GRM4: variants seen among roughly 807,000 people sequenced by gnomAD.
GRM4 encodes metabotropic glutamate receptor 4.
GRM4 carries 28 observed loss-of-function variants against 81.7 expected under a neutral mutation model. The observed-to-expected ratio is 0.34, with a 90% CI of 0.25 to 0.47. GRM4 has a LOEUF of 0.47. GRM4 is among the 20% of genes least tolerant of loss of function. GRM4 has a pLI of 1.00. For synonymous variants in GRM4, 488 were observed against 528.8 expected (o/e 0.92, Z 1.06); for missense variants, 948 against 1,290.0 (o/e 0.73, Z 4.06).
intron 5 of GRM4, among the ~76,000 whole-genome samples, 174 bp downstream of exon 5, chr6:34,058,800 C>T (rs1410463861): frequency 6.7e-6 from 1 of 148,880 alleles, no homozygotes; most frequent in Non-Finnish European, 1.5e-5. Flanking sequence ...CTTTGTTGCA[C>T]GTGGCCTAAA....
chr6:34,129,107 C>A (rs545095987), intron 2 of GRM4, among the ~76,000 whole-genome samples: 4 of 151,944 alleles, frequency 2.6e-5, no homozygotes, highest in African/African-American at 4.8e-5. Context: ...CTCTGCCTCC[C>A]GGGCTCAAGT....
intron 2 of GRM4, among the ~76,000 whole-genome samples, chr6:34,129,388 TGGATCAG>T (rs373850224): frequency 2.0e-5 from 3 of 152,322 alleles, no homozygotes; most frequent in African/African-American, 4.8e-5. Context: ...AGGTAACTAG[TGGATCAG>T]GGATTCAAAC....
intron 2 of GRM4, among the ~76,000 whole-genome samples, chr6:34,126,735 T>C (rs1190691855): frequency 6.6e-6 from 1 of 152,162 alleles, no homozygotes; most frequent in African/African-American, 2.4e-5. Flanking sequence ...GCTGCAGACA[T>C]GGGGGCTGCA....
Position 34,044,419 on chromosome 6 carries a change from CACAT to C in GRM4, c.1169-3675_1169-3672del, listed in dbSNP as rs200776818. ...ACATACACATATATACACAGACACA[CACAT>C]ACACACAGACATACATACATACACA... On this transcript the variant is annotated intron_variant, in intron 6 of 10. Coordinates refer to ENST00000538487, the MANE Select transcript of GRM4 (RefSeq NM_000841.4). Among the ~76,000 whole-genome samples the C allele has an allele frequency of 4.3e-3, 646 of 151,268 alleles. 17 individuals carry two copies. In the East Asian group the frequency reaches 0.07, roughly 16 times the overall value.
chr6:34,152,784 A>T lies in GRM4; in HGVS notation c.312+2295T>A, dbSNP rs1241803124. On this transcript the variant is annotated intron_variant, in intron 1 of 8. Transcript: ENST00000374177. The surrounding 1 kb of genome is among the most constrained non-coding windows in gnomAD (Gnocchi z 4.1). ...CAAACTGAAATATTAATAGAATTCT[A>T]ACCAGCTGGAGTGGGGTATGAGGCC... Among the ~76,000 whole-genome samples, 9 of 152,200 alleles carry T rather than the reference A, an allele frequency of 5.9e-5. No homozygotes were observed. The highest frequency in any genetic ancestry group is 1.3e-4 in the Admixed American group (2 of 15,282).
rs2499698 is a variant in GRM4 at position 34,077,288 on chromosome 6, C to G, written c.736+14595G>C. On this transcript the variant is annotated intron_variant, in intron 3 of 10. Transcript: ENST00000538487. ...TTGCCCGAGGCTGACCAGCACATGC[C>G]GCTCTCACACATTCTGCCCAGGCCC... Among the ~76,000 whole-genome samples, 1,279 of 152,022 alleles carry G rather than the reference C, an allele frequency of 8.4e-3. 10 individuals are homozygous for G. Among genetic ancestry groups the G allele is most frequent in the South Asian group, 0.013 (64 of 4,822 alleles).
chr6:34,058,712 G>T (rs1873254), intron 5 of GRM4, among the ~76,000 whole-genome samples: 2 of 151,916 alleles, frequency 1.3e-5, no homozygotes, highest in Non-Finnish European at 2.9e-5. Context: ...TTTCAGCAGC[G>T]GACTCTCCAC....
rs1768279704 is a variant in GRM4 at position 34,092,330 on chromosome 6, C to T, written c.520-231G>A. Among the ~76,000 whole-genome samples, 1 of 152,320 alleles carries T rather than the reference C, an allele frequency of 6.6e-6. No individual in the cohort carries two copies. Among genetic ancestry groups the T allele is most frequent in the Admixed American group, 6.5e-5 (1 of 15,300 alleles). ...AGATACACACACAGGCACACACATACATACACCACACACACATACACCCTG... is the reference window on the plus strand; with the variant it reads ...AGATACACACACAGGCACACACATATATACACCACACACACATACACCCTG... On this transcript the variant is annotated intron_variant, in intron 2 of 10. Coordinates refer to ENST00000538487, the MANE Select transcript of GRM4 (RefSeq NM_000841.4). This position sits in a 1 kb window ranked among gnomAD's most constrained non-coding sequence, Gnocchi z 6.8.
intron 3 of GRM4, among the ~76,000 whole-genome samples, chr6:34,086,440 T>C (rs990180289): frequency 6.6e-5 from 10 of 152,136 alleles, no homozygotes; most frequent in Non-Finnish European, 7.4e-5. Flanking sequence ...AGCCAAGAGG[T>C]AGGGCCTCAG....
chr6:34,086,204 C>T (rs770130493), intron 3 of GRM4, among the ~76,000 whole-genome samples: 5 of 152,190 alleles, frequency 3.3e-5, no homozygotes, highest in Non-Finnish European at 5.9e-5. Context: ...CGCCACATGC[C>T]GAGAGTCTCA....
rs1765450148 is a variant in GRM4, at chr6:34,048,328, AGAGTCACAC to A, written c.1169-7589_1169-7581del. ...AGCTGGCACCTGGGACTAGGCAAGG[AGAGTCACAC>A]CTGGCGCCTGCACAGCCCCGTGCCC... On this transcript the variant is annotated intron_variant, in intron 6 of 10. Transcript: ENST00000538487. This position sits in a 1 kb window ranked among gnomAD's most constrained non-coding sequence, Gnocchi z 4.0. Among the ~76,000 whole-genome samples the A allele has an allele frequency of 6.6e-6, 1 of 152,114 alleles. No individual in the cohort carries two copies. The highest frequency in any genetic ancestry group is 6.5e-5 in the Admixed American group (1 of 15,272).
In GRM4 at chr6:34,113,564, G is replaced by C. The variant is rs76890410; in HGVS notation, c.519+19414C>G. Among the ~76,000 whole-genome samples, 1,009 of 152,326 alleles carry C rather than the reference G, an allele frequency of 6.6e-3. 7 individuals carry two copies. Among genetic ancestry groups the C allele is most frequent in the African/African-American group, 0.023 (956 of 41,576 alleles). Reference sequence around the variant, plus strand: ...TAGCAGTAGCTGGAGGTCCCAGCTTGGTTGGGCTGAGCTTTGAGGATTGGG... The same window carrying C: ...TAGCAGTAGCTGGAGGTCCCAGCTTCGTTGGGCTGAGCTTTGAGGATTGGG... On this transcript the variant is annotated intron_variant, in intron 2 of 10. Transcript: ENST00000538487.
intron 6 of GRM4, among the ~76,000 whole-genome samples, chr6:34,049,795 C>A (rs1765524194): frequency 6.6e-6 from 1 of 152,062 alleles, no homozygotes; most frequent in Admixed American, 6.5e-5. Context: ...GCAAAGTTTA[C>A]AAAGAATCTG....
intron 6 of GRM4, among the ~76,000 whole-genome samples, chr6:34,044,557 C>A (rs541505991): frequency 0.012 from 1,775 of 151,346 alleles, 23 homozygotes; most frequent in Middle Eastern, 0.038. Flanking sequence ...CACACAAACA[C>A]ACAGACATAC....
In GRM4 at chr6:34,121,884, C is replaced by T. The variant is rs965888382; in HGVS notation, c.519+11094G>A. Among the ~76,000 whole-genome samples the T allele has an allele frequency of 4.6e-5, 7 of 151,966 alleles. No individual in the cohort carries two copies. Among genetic ancestry groups the T allele is most frequent in the African/African-American group, 1.7e-4 (7 of 41,406 alleles). On this transcript the variant is annotated intron_variant, in intron 2 of 10. Coordinates refer to ENST00000538487, the MANE Select transcript of GRM4 (RefSeq NM_000841.4). This position sits in a 1 kb window ranked among gnomAD's most constrained non-coding sequence, Gnocchi z 4.6. ...GCTAATCACCTTGTGCTGTTCCACC[C>T]TACCCACAGGCAAGGAGAGCAGGGC...
At chr6:34,146,994 C>T (rs1770949901), upstream of GRM4, among the ~76,000 whole-genome samples, 2 of 150,278 alleles carry the variant, frequency 1.3e-5, no homozygotes, top group African/African-American at 5.0e-5. Context: ...AGGCCAAAAC[C>T]ACATCTCGTT....
chr6:34,102,083 C>G, intron 2 of GRM4: 1 of 1,535,570 alleles, frequency 6.5e-7, no homozygotes, highest in Non-Finnish European at 8.7e-7. Flanking sequence ...TCTCTTGGCG[C>G]CATCATGGGG....
At chr6:34,117,276 G>A (rs1407002393) in intron 2 of GRM4, among the ~76,000 whole-genome samples, 3 of 152,298 alleles carry the variant, frequency 2.0e-5, no homozygotes, top group East Asian at 1.9e-4. Flanking sequence ...GACTGGCCTC[G>A]GGGGAAATGG....
At chr6:34,104,028 G>A (rs981555973) in intron 2 of GRM4, among the ~76,000 whole-genome samples, 14 of 152,210 alleles carry the variant, frequency 9.2e-5, no homozygotes, top group Admixed American at 1.3e-4. Context: ...GCCAGAGCCC[G>A]ATCCTCAGAA....
Sources: gnomAD v4.1 joint callset for allele counts (sites outside exome capture counted in the v4.1 genomes callset) on GRCh38, gnomAD v4.1.1 for gene constraint, Gnocchi (gnomAD v3.1) non-coding constraint, MANE v1.5 for transcripts, NCBI Gene and HGNC (gene_info 2026-07-23, HGNC 2026-07-21) for gene names.